PDE7A: variants seen among roughly 807,000 people sequenced by gnomAD.
PDE7A encodes the protein phosphodiesterase 7A.
In PDE7A, 39 loss-of-function variants were observed where a neutral mutation model predicts 64.3. The ratio of observed to expected loss-of-function variants is 0.61; its 90% CI spans 0.47 to 0.79. The LOEUF (loss-of-function observed/expected upper bound fraction) is 0.79, where lower values mean the gene tolerates loss of function less well. PDE7A is among the 30% of genes least tolerant of loss of function. The pLI, the probability that PDE7A is intolerant of heterozygous loss-of-function variation, is 0.00. For missense variants in PDE7A, 470 were observed against 582.8 expected (o/e 0.81, Z 1.99); for synonymous variants, 203 against 206.8 (o/e 0.98, Z 0.16).
intron 3 of PDE7A, among the ~76,000 whole-genome samples, chr8:65,766,288 G>A (rs916601414): frequency 1.2e-4 from 18 of 152,154 alleles, no homozygotes; most frequent in Non-Finnish European, 1.9e-4. Flanking sequence ...AATTTATTTC[G>A]TGTTCACTTA....
chr8:65,737,422 CT>C (rs1279921578), intron 6 of PDE7A, among the ~76,000 whole-genome samples: 1 of 152,174 alleles, frequency 6.6e-6, no homozygotes, highest in Non-Finnish European at 1.5e-5. Flanking sequence ...TGAGAATTTA[CT>C]GCAAAATTGT....
chr8:65,779,880 C>A, intron 2 of PDE7A, 77 bp from the exon 3 acceptor site: 1 of 813,936 alleles, frequency 1.2e-6, no homozygotes, highest in Non-Finnish European at 2.0e-6. Context: ...AACAAAGGTC[C>A]GTGTGGTATC....
At chr8:65,798,207 T>TATATATATATATA (rs552708184) in intron 1 of PDE7A, among the ~76,000 whole-genome samples, 13 of 15,460 alleles carry the variant, frequency 8.4e-4, no homozygotes, top group African/African-American at 2.5e-3. Flanking sequence ...TATATATATA[T>TATATATATATATA]TTTTTTTTTT....
intron 11 of PDE7A, among the ~76,000 whole-genome samples, 160 bp downstream of exon 11, chr8:65,724,095 C>A (rs1195841786): frequency 1.3e-5 from 2 of 152,152 alleles, no homozygotes; most frequent in African/African-American, 4.8e-5. Flanking sequence ...AAAACAGATG[C>A]TCAATTTGTA....
At chr8:65,762,944 C>G (rs1321671780) in intron 3 of PDE7A, among the ~76,000 whole-genome samples, 4 of 151,168 alleles carry the variant, frequency 2.6e-5, no homozygotes, top group Admixed American at 6.6e-5. Flanking sequence ...CGAGACCAGC[C>G]TGGGCAACAT....
chr8:65,717,040 A>G lies in PDE7A; in HGVS notation c.*2250T>C, dbSNP rs1806168957. On this transcript the variant is annotated 3_prime_UTR_variant, in exon 13 of 13. Coordinates refer to ENST00000401827, the MANE Select transcript of PDE7A (RefSeq NM_001242318.3). The stretch of plus-strand genomic sequence containing the variant: ...CTTAGTACCCCCCAAAAGAATGTAA[A>G]AACATCTAATTGTTTTTATATTGAC... Among the ~76,000 whole-genome samples, 1 of 152,212 alleles carries G rather than the reference A, an allele frequency of 6.6e-6. No individual in the cohort carries two copies. The highest frequency in any genetic ancestry group is 1.5e-5 in the Non-Finnish European group (1 of 68,044).
intron 1 of PDE7A, among the ~76,000 whole-genome samples, chr8:65,813,989 T>G (rs1359696941): frequency 1.3e-5 from 2 of 152,244 alleles, no homozygotes; most frequent in Non-Finnish European, 2.9e-5. Flanking sequence ...TTCTCTTTTA[T>G]TAAAATTGCT....
chr8:65,763,743 A>T (rs2128915967), intron 3 of PDE7A, among the ~76,000 whole-genome samples: 1 of 152,348 alleles, frequency 6.6e-6, no homozygotes, highest in South Asian at 2.1e-4. Context: ...AGAAAGAAAG[A>T]TGAAAAGCAA....
intron 3 of PDE7A, among the ~76,000 whole-genome samples, chr8:65,765,845 T>A (rs1344859891): frequency 6.6e-6 from 1 of 152,246 alleles, no homozygotes; most frequent in African/African-American, 2.4e-5. Context: ...AATTCTTTAA[T>A]GTTTAAGACA....
chr8:65,814,233 C>A (rs553826283), intron 1 of PDE7A, among the ~76,000 whole-genome samples: 8 of 152,108 alleles, frequency 5.3e-5, no homozygotes, highest in South Asian at 2.1e-4. Flanking sequence ...GACTTTCGGC[C>A]GGGCGCGGTG....
chr8:65,724,153 C>T, intron 11 of PDE7A, 102 bp downstream of exon 11: 1 of 668,466 alleles, frequency 1.5e-6, no homozygotes, highest in Non-Finnish European at 2.6e-6. Flanking sequence ...AATGTCAAGA[C>T]TCTACTGCTA....
chr8:65,804,391 A>C (rs1462733825), intron 1 of PDE7A, among the ~76,000 whole-genome samples: 1 of 152,178 alleles, frequency 6.6e-6, no homozygotes, highest in African/African-American at 2.4e-5. Context: ...AGTCGTGTCA[A>C]CTTTAACATC....
intron 1 of PDE7A, among the ~76,000 whole-genome samples, chr8:65,831,113 G>A (rs1048240396): frequency 3.3e-5 from 5 of 151,986 alleles, no homozygotes; most frequent in African/African-American, 1.2e-4. Flanking sequence ...TCAAGATGTG[G>A]GAGAAGGTAC....
rs563064351 is a variant in PDE7A at position 65,757,780 on chromosome 8, G to A, written c.284-9977C>T. Among the ~76,000 whole-genome samples, 6 of 152,046 alleles carry A rather than the reference G, an allele frequency of 3.9e-5. No individual in the cohort carries two copies. In the South Asian group the frequency reaches 6.2e-4, roughly 16 times the overall value. On this transcript the variant is annotated intron_variant, in intron 3 of 12. Transcript: ENST00000401827. ...ACTACAGACGTGTGCCACCACGCCC[G>A]GCTAACTTTTGCATTTTTAGTAGAG...
At chr8:65,813,788 C>T (rs1810312338) in intron 1 of PDE7A, among the ~76,000 whole-genome samples, 1 of 152,136 alleles carries the variant, frequency 6.6e-6, no homozygotes, top group South Asian at 2.1e-4. Context: ...CATCCATTTT[C>T]CTAAGGTCCT....
rs567432433 is a variant in PDE7A, at chr8:65,815,843, ATT to A, written c.138+25526_138+25527del. On this transcript the variant is annotated intron_variant, in intron 1 of 12. Transcript: ENST00000401827. ...ACTGTCATATCACAGAATTTTCACC[ATT>A]ATATGAAAGGGCTTTTAAAATATAC... 9.2e-5 allele frequency among the ~76,000 whole-genome samples: 14 copies of A among 152,328 alleles called. No individual in the cohort carries two copies. The South Asian group carries it at 2.7e-3, about 29-fold the overall frequency.
chr8:65,805,606 C>T (rs1205580247), intron 1 of PDE7A, among the ~76,000 whole-genome samples: 2 of 152,156 alleles, frequency 1.3e-5, no homozygotes, highest in Admixed American at 6.5e-5. Flanking sequence ...AAACAACCTT[C>T]ATGTTATCGT....
At position 65,716,148 on chromosome 8, in the gene PDE7A, CAAAA is replaced by C. The variant is rs376045290; in HGVS notation, c.*3138_*3141del. ...CCTAGTTAGCAGCGAGACCCTGTCT[CAAAA>C]AAAAAAAAAAACAAAAGGGCTATAG... On this transcript the variant is annotated 3_prime_UTR_variant, in exon 13 of 13. Transcript: ENST00000401827. Among the ~76,000 whole-genome samples the C allele has an allele frequency of 2.3e-5, 2 of 88,588 alleles. No individual in the cohort carries two copies. The highest frequency in any genetic ancestry group is 4.6e-5 in the Non-Finnish European group (2 of 43,062). 58.1% of individuals were successfully genotyped at this position (88,588 alleles called of 152,430 possible). A position where few individuals can be genotyped will look rare whatever the true frequency, so the allele number is the denominator to read the frequency against.
At chr8:65,835,185 T>G (rs1810922302) in intron 1 of PDE7A, among the ~76,000 whole-genome samples, 1 of 152,214 alleles carries the variant, frequency 6.6e-6, no homozygotes. Context: ...AAGTTTTGAA[T>G]TATTTTTAAA....
Sources: gnomAD v4.1 joint callset for allele counts (sites outside exome capture counted in the v4.1 genomes callset) on GRCh38, gnomAD v4.1.1 for gene constraint, MANE v1.5 for transcripts, NCBI Gene and HGNC (gene_info 2026-07-23, HGNC 2026-07-21) for gene names.